The following PALM2AKAP2 variants were observed in gnomAD, a reference collection of about 807,000 sequenced individuals.
The protein encoded by PALM2AKAP2 is PALM2 and AKAP2 fusion, also known as PALM2-AKAP2 fusion protein.
PALM2AKAP2 carries 37 observed loss-of-function variants against 71.5 expected under a neutral mutation model. The observed-to-expected ratio is 0.52, with a 90% CI of 0.40 to 0.68. PALM2AKAP2 has a LOEUF of 0.68. PALM2AKAP2 is among the 30% of genes least tolerant of loss of function. The pLI is 0.00. For synonymous variants in PALM2AKAP2, 468 were observed against 478.8 expected, an observed-to-expected ratio of 0.98 and a Z score of 0.29; for missense variants, 1,224 against 1,191.8, an observed-to-expected ratio of 1.03 and a Z score of -0.40.
chr9:109,797,874 T>C lies in PALM2AKAP2; in HGVS notation c.45+17341T>C, dbSNP rs542212610. ...TCAGTGTTCTTCCTAATTTGGACTG[T>C]TGTGGCTTCCCTAGTTCTTTTTTCC... On this transcript the variant is annotated intron_variant, in intron 1 of 9. Coordinates refer to the PALM2AKAP2 transcript ENST00000302798. 1.2e-3 allele frequency among the ~76,000 whole-genome samples: 180 copies of C among 152,340 alleles called. 1 individual carries two copies. The highest frequency in any genetic ancestry group is 1.9e-3 in the Non-Finnish European group (132 of 68,032).
intron 6 of PALM2AKAP2, among the ~76,000 whole-genome samples, chr9:109,981,269 A>T (rs973494267): frequency 6.6e-6 from 1 of 152,234 alleles, no homozygotes; most frequent in African/African-American, 2.4e-5. Flanking sequence ...AGTAGTAAAA[A>T]TACCTCAAAT....
In PALM2AKAP2 at chr9:110,041,740, A is replaced by G. The variant is rs1333376427; in HGVS notation, c.582+25701A>G. On this transcript the variant is annotated intron_variant, in intron 7 of 9. Transcript: ENST00000302798. ...GAGCCAAGTGTTCTCTTATGACACC[A>G]TCCCTGTTTCTGTGTTTGGTTCTCT... is the stretch of plus-strand genomic sequence containing the variant. 5.9e-5 allele frequency among the ~76,000 whole-genome samples: 9 copies of G among 152,328 alleles called. No individual in the cohort carries two copies. The East Asian group carries it at 1.7e-3, about 29-fold the overall frequency.
intron 3 of PALM2AKAP2, among the ~76,000 whole-genome samples, chr9:109,914,883 T>A (rs1830649646): frequency 6.6e-6 from 1 of 152,222 alleles, no homozygotes; most frequent in African/African-American, 2.4e-5. Context: ...GAGAATTTTG[T>A]GAGCACTTCT....
intron 1 of PALM2AKAP2, among the ~76,000 whole-genome samples, chr9:109,850,617 T>C (rs1432215101): frequency 6.6e-6 from 1 of 151,958 alleles, no homozygotes; most frequent in Non-Finnish European, 1.5e-5. Flanking sequence ...CTAGGTAGAG[T>C]CAAGCTCTAC....
At chr9:110,162,690 C>A (rs1037216142) in intron 3 of PALM2AKAP2, among the ~76,000 whole-genome samples, 1 of 152,128 alleles carries the variant, frequency 6.6e-6, no homozygotes, top group Non-Finnish European at 1.5e-5. Context: ...AAACTCTAAG[C>A]CTTGATTTCT....
At chr9:110,142,066 TA>T (rs1451701564) in intron 2 of PALM2AKAP2, among the ~76,000 whole-genome samples, 48 of 147,586 alleles carry the variant, frequency 3.3e-4, no homozygotes, top group African/African-American at 1.1e-3. Flanking sequence ...GTTCTTATTT[TA>T]CTTTTTTTTT....
At chr9:110,150,293 G>A (rs377005058) in intron 2 of PALM2AKAP2, among the ~76,000 whole-genome samples, 1 of 152,290 alleles carries the variant, frequency 6.6e-6, no homozygotes, top group African/African-American at 2.4e-5. Context: ...TCCAGTCTAT[G>A]GTATTTTATG....
intron 7 of PALM2AKAP2, among the ~76,000 whole-genome samples, chr9:110,041,499 A>C (rs1833511866): frequency 6.6e-6 from 1 of 152,110 alleles, no homozygotes; most frequent in South Asian, 2.1e-4. Context: ...AAAGAGGCTC[A>C]AGCAGCTGCG....
chr9:110,015,909 A>C (rs2132342348), intron 6 of PALM2AKAP2, 45 bp from the exon 7 acceptor site: 1 of 1,537,092 alleles, frequency 6.5e-7, no homozygotes, highest in Non-Finnish European at 9.0e-7. Flanking sequence ...TATCCATGTC[A>C]GCTGAATGAC....
intron 3 of PALM2AKAP2, among the ~76,000 whole-genome samples, chr9:109,899,435 A>T (rs1830280167): frequency 6.6e-6 from 1 of 152,126 alleles, no homozygotes; most frequent in South Asian, 2.1e-4. Context: ...GGATTGATGC[A>T]AGAGCTTCTC....
At chr9:109,788,916 G>C (rs1442043238) in intron 1 of PALM2AKAP2, among the ~76,000 whole-genome samples, 1 of 152,154 alleles carries the variant, frequency 6.6e-6, no homozygotes, top group Non-Finnish European at 1.5e-5. Context: ...TCCAGACTGG[G>C]CAAGAGTGAC....
At chr9:110,077,387 T>C (rs1372712521) in intron 1 of PALM2AKAP2, among the ~76,000 whole-genome samples, 2 of 152,210 alleles carry the variant, frequency 1.3e-5, no homozygotes, top group African/African-American at 4.8e-5. Flanking sequence ...GGTTGTACAT[T>C]GACAGTGAGC....
At chr9:109,799,962 C>T (rs551185722) in intron 1 of PALM2AKAP2, among the ~76,000 whole-genome samples, 2 of 152,206 alleles carry the variant, frequency 1.3e-5, no homozygotes, top group Middle Eastern at 3.4e-3. Context: ...TTCAGAGGAG[C>T]CTGGGAAGAA....
At chr9:109,945,396 G>A (rs1395578567) in intron 6 of PALM2AKAP2, 1 of 152,174 alleles carries the variant, frequency 6.6e-6, no homozygotes, top group African/African-American at 2.4e-5. Flanking sequence ...CATCAAAGCA[G>A]CTGCAATGGA....
intron 1 of PALM2AKAP2, among the ~76,000 whole-genome samples, chr9:109,691,757 A>C (rs1426812613): frequency 6.8e-6 from 1 of 147,988 alleles, no homozygotes; most frequent in East Asian, 2.0e-4. Context: ...TTATATTCAA[A>C]TACTGCCCAT....
At chr9:109,657,866 A>G (rs886521725) in intron 1 of PALM2AKAP2, among the ~76,000 whole-genome samples, 1 of 151,378 alleles carries the variant, frequency 6.6e-6, no homozygotes, top group African/African-American at 2.4e-5. Context: ...GTGGCATGTC[A>G]TCCCTGGGGA....
intron 1 of PALM2AKAP2, among the ~76,000 whole-genome samples, chr9:110,134,291 A>AG (rs1242646685): frequency 2.0e-5 from 3 of 152,064 alleles, no homozygotes; most frequent in African/African-American, 7.2e-5. Flanking sequence ...AAAAAAAAAA[A>AG]GGAAGGTGGT....
At chr9:109,989,838 T>A (rs955336571) in intron 6 of PALM2AKAP2, among the ~76,000 whole-genome samples, 2 of 152,200 alleles carry the variant, frequency 1.3e-5, no homozygotes, top group African/African-American at 4.8e-5. Flanking sequence ...ATTCGCCACG[T>A]GGGCATGTAG....
At chr9:109,716,966 T>G (rs1387647855) in intron 1 of PALM2AKAP2, among the ~76,000 whole-genome samples, 3 of 152,126 alleles carry the variant, frequency 2.0e-5, no homozygotes. Context: ...GGATGTCTGG[T>G]TTTCTTAACA....
Sources: allele counts gnomAD v4.1 joint callset (sites outside exome capture counted in the v4.1 genomes callset), GRCh38; gene constraint gnomAD v4.1.1; transcripts MANE v1.5; gene names NCBI Gene and HGNC (gene_info 2026-07-23, HGNC 2026-07-21).